AKAP6: variants seen among roughly 807,000 people sequenced by gnomAD.
The protein encoded by AKAP6 is A-kinase anchoring protein 6.
A neutral mutation model predicts 188.5 loss-of-function variants in AKAP6; 58 were observed. That is an observed-to-expected ratio of 0.31 (90% CI 0.25 to 0.38). AKAP6 has a LOEUF of 0.38. Among genes scored for constraint, AKAP6 ranks in the 10% least tolerant of loss-of-function variants. The pLI is 1.00. For synonymous variants in AKAP6, 989 were observed against 998.6 expected (o/e 0.99, Z 0.18); for missense variants, 2,710 against 2,740.0 (o/e 0.99, Z 0.24).
intron 4 of AKAP6, among the ~76,000 whole-genome samples, chr14:32,557,257 T>C (rs533593929): frequency 1.4e-4 from 21 of 152,244 alleles, no homozygotes; most frequent in African/African-American, 4.8e-4. Flanking sequence ...TGGATAATTT[T>C]CATATTAATT....
At chr14:32,676,024 A>G (rs1956206) in intron 7 of AKAP6, among the ~76,000 whole-genome samples, 38,258 of 152,056 alleles carry the variant, frequency 0.25, 6,179 homozygotes, top group East Asian at 0.58. Context: ...ATGAATCATG[A>G]TCAAGCTTGT....
Position 32,546,736 on chromosome 14 carries a change from A to G in AKAP6, c.2083A>G (p.Arg695Gly), listed in dbSNP as rs755540209. 1 of 1,614,158 alleles carries G rather than the reference A, an allele frequency of 6.2e-7. No homozygotes were observed. The highest frequency in any genetic ancestry group is 1.1e-5 in the South Asian group (1 of 91,082). ...HVKKKHTRLG[R>G]VSPSSSSDIA... is the part of the protein sequence containing the mutation. ...CAAAAAGAAGCATACAAGGCTAGGC[A>G]GGGTGTCTCCAAGCTCATCTAGTGA... is the stretch of plus-strand genomic sequence containing the variant. Residue 695 changes from arginine (R) to glycine (G), a missense_variant, in exon 4 of 14, where the codon AGG (arginine) becomes GGG (glycine). This residue lies in a region of AKAP6 where 2,473 missense variants were observed against 2,426.1 expected (regional missense o/e 1.02). Coordinates refer to ENST00000280979, the MANE Select transcript of AKAP6 (RefSeq NM_004274.5).
chr14:32,393,837 A>G (rs1437849607), intron 1 of AKAP6, among the ~76,000 whole-genome samples: 2 of 152,224 alleles, frequency 1.3e-5, no homozygotes, highest in Non-Finnish European at 2.9e-5. Flanking sequence ...ATTTGTAAAC[A>G]CTTCAGGTTT....
chr14:32,773,040 T>C (rs1004645733), intron 11 of AKAP6, among the ~76,000 whole-genome samples: 1 of 152,190 alleles, frequency 6.6e-6, no homozygotes, highest in African/African-American at 2.4e-5. Context: ...TTAAATAGTG[T>C]GAATGTCTAT....
chr14:32,499,291 A>G (rs781412071), intron 2 of AKAP6, among the ~76,000 whole-genome samples: 1 of 151,616 alleles, frequency 6.6e-6, no homozygotes. Context: ...TCACAACACA[A>G]AAACTTAAAA....
chr14:32,647,734 T>C (rs1566624417), intron 7 of AKAP6, among the ~76,000 whole-genome samples: 3 of 152,222 alleles, frequency 2.0e-5, no homozygotes, highest in Admixed American at 6.5e-5. Flanking sequence ...TTACTATTCT[T>C]TGGAGCAATT....
intron 2 of AKAP6, among the ~76,000 whole-genome samples, chr14:32,441,126 A>T (rs1890562445): frequency 6.6e-6 from 1 of 152,152 alleles, no homozygotes; most frequent in South Asian, 2.1e-4. Flanking sequence ...TGAGAAATAA[A>T]TTTCTAGTGT....
intron 4 of AKAP6, 119 bp from the exon 5 acceptor site, chr14:32,577,001 C>T (rs369163843): frequency 1.8e-5 from 20 of 1,121,206 alleles, no homozygotes; most frequent in South Asian, 1.0e-4. Context: ...GATAGGAGTG[C>T]GGTGGGATCG....
chr14:32,718,267 AG>A (rs1364333450), intron 9 of AKAP6: 1 of 985,210 alleles, frequency 1.0e-6, no homozygotes, highest in African/African-American at 1.7e-5. Context: ...AGCAAAAAAA[AG>A]AACAATCCAT....
At chr14:32,490,408 C>A (rs1157655966) in intron 2 of AKAP6, among the ~76,000 whole-genome samples, 2 of 152,116 alleles carry the variant, frequency 1.3e-5, no homozygotes, top group Non-Finnish European at 2.9e-5. Flanking sequence ...TTAAAAATTT[C>A]TTTCAAACAT....
chr14:32,558,276 G>A (rs1430235213), intron 4 of AKAP6, among the ~76,000 whole-genome samples: 2 of 151,726 alleles, frequency 1.3e-5, no homozygotes, highest in African/African-American at 4.9e-5. Flanking sequence ...TTTTTATGAT[G>A]CACAATCTAA....
At chr14:32,441,477 A>G (rs1376936679) in intron 2 of AKAP6, among the ~76,000 whole-genome samples, 1 of 152,190 alleles carries the variant, frequency 6.6e-6, no homozygotes, top group African/African-American at 2.4e-5. Flanking sequence ...TCCCCATCCA[A>G]TGCTGGAAAA....
chr14:32,538,065 T>C (rs1031985022), intron 3 of AKAP6, among the ~76,000 whole-genome samples: 1 of 152,234 alleles, frequency 6.6e-6, no homozygotes, highest in African/African-American at 2.4e-5. Flanking sequence ...CAGTAGATTT[T>C]CAGTTATCCG....
intron 1 of AKAP6, among the ~76,000 whole-genome samples, chr14:32,424,687 T>A (rs1889971413): frequency 6.6e-6 from 1 of 152,132 alleles, no homozygotes; most frequent in Admixed American, 6.6e-5. Context: ...CAGTGTATAT[T>A]GTTCATCTCA....
intron 11 of AKAP6, among the ~76,000 whole-genome samples, chr14:32,752,005 T>C (rs2032158417): frequency 6.6e-6 from 1 of 152,222 alleles, no homozygotes; most frequent in East Asian, 1.9e-4. Context: ...CTACAGTGTC[T>C]GTTGATGTGT....
At chr14:32,762,991 A>G (rs923300451) in intron 11 of AKAP6, among the ~76,000 whole-genome samples, 5 of 152,040 alleles carry the variant, frequency 3.3e-5, no homozygotes, top group African/African-American at 1.2e-4. Context: ...GACTTACTGA[A>G]AATATTTTTA....
chr14:32,757,247 G>A lies in AKAP6; in HGVS notation c.3373-16431G>A, dbSNP rs192578374. 5.3e-5 allele frequency among the ~76,000 whole-genome samples: 8 copies of A among 152,326 alleles called. No homozygotes were observed. The East Asian group carries it at 1.2e-3, about 22-fold the overall frequency. ...CCTTAGCTCTTGTGAAGGTATGTTT[G>A]TGTATGAATAGTTGTTCAAATTGAT... On this transcript the variant is annotated intron_variant, in intron 11 of 13. Coordinates refer to ENST00000280979, the MANE Select transcript of AKAP6 (RefSeq NM_004274.5).
chr14:32,377,404 C>T (rs1027341081), intron 1 of AKAP6, among the ~76,000 whole-genome samples: 3 of 152,066 alleles, frequency 2.0e-5, no homozygotes, highest in Non-Finnish European at 2.9e-5. Flanking sequence ...TTTGTTTTTC[C>T]CATGAGAATA....
At chr14:32,486,084 C>T (rs922802320) in intron 2 of AKAP6, among the ~76,000 whole-genome samples, 6 of 152,234 alleles carry the variant, frequency 3.9e-5, no homozygotes, top group Non-Finnish European at 8.8e-5. Flanking sequence ...AATCCTTTTT[C>T]CATTGCTTGT....
Sources: allele counts gnomAD v4.1 joint callset (sites outside exome capture counted in the v4.1 genomes callset), GRCh38; gene constraint gnomAD v4.1.1; regional missense constraint gnomAD v4.1.1; transcripts MANE v1.5; gene names NCBI Gene and HGNC (gene_info 2026-07-23, HGNC 2026-07-21).